LINGO2: variants seen among roughly 807,000 people sequenced by gnomAD.
LINGO2 encodes the protein leucine rich repeat and Ig domain containing 2.
A neutral mutation model predicts 30.6 loss-of-function variants in LINGO2; 14 were observed. The observed-to-expected ratio is 0.46, with a 90% confidence interval of 0.30 to 0.72. The LOEUF (loss-of-function observed/expected upper bound fraction) is 0.72. Among genes scored for constraint, LINGO2 ranks in the 30% least tolerant of loss-of-function variants. LINGO2 has a pLI of 0.07. For synonymous variants in LINGO2, 317 were observed against 288.5 expected (o/e 1.10, Z -1.00); for missense variants, 729 against 751.7 (o/e 0.97, Z 0.35).
the LINGO2 span, among the ~76,000 whole-genome samples, chr9:28,801,888 T>C: frequency 6.6e-6 from 1 of 152,024 alleles, no homozygotes; most frequent in African/African-American, 2.4e-5. Context: ...CAATGAAATA[T>C]TATATTTTTA....
At chr9:28,733,782 C>A in the LINGO2 span, among the ~76,000 whole-genome samples, 1 of 152,020 alleles carries the variant, frequency 6.6e-6, no homozygotes, top group East Asian at 1.9e-4. Flanking sequence ...ATGAGGTGAA[C>A]ACACCTGTAT....
intron 1 of LINGO2, among the ~76,000 whole-genome samples, chr9:28,524,463 G>C (rs1168389765): frequency 6.6e-6 from 1 of 152,106 alleles, no homozygotes; most frequent in African/African-American, 2.4e-5. Flanking sequence ...AAAGTCAAAA[G>C]TCAAGGAAGG....
At chr9:28,326,109 C>T (rs940181074) in intron 3 of LINGO2, among the ~76,000 whole-genome samples, 4 of 152,134 alleles carry the variant, frequency 2.6e-5, no homozygotes, top group South Asian at 2.1e-4. Context: ...TGGGTTCAAG[C>T]GAGCCTCCTG....
chr9:29,012,271 T>C, the LINGO2 span, among the ~76,000 whole-genome samples: 1 of 151,870 alleles, frequency 6.6e-6, no homozygotes, highest in Non-Finnish European at 1.5e-5. Context: ...GACAGGAACA[T>C]AGCTTGAACC....
the LINGO2 span, among the ~76,000 whole-genome samples, chr9:28,943,744 G>A: frequency 4.6e-5 from 7 of 152,200 alleles, no homozygotes; most frequent in African/African-American, 1.7e-4. Flanking sequence ...AACAGGGCTG[G>A]TGATGGATCA....
intron 5 of LINGO2, among the ~76,000 whole-genome samples, chr9:27,978,874 G>T (rs116196714): frequency 0.013 from 2,047 of 152,072 alleles, 47 homozygotes; most frequent in African/African-American, 0.047. Flanking sequence ...GATTCTTTTG[G>T]ACCATCGGAT....
intron 4 of LINGO2, among the ~76,000 whole-genome samples, chr9:28,246,316 TG>T (rs1304621405): frequency 6.6e-6 from 1 of 151,896 alleles, no homozygotes; most frequent in African/African-American, 2.4e-5. Context: ...CACAGCTACC[TG>T]GGAGGCTGAG....
chr9:28,029,361 T>C (rs1823547024), intron 4 of LINGO2, among the ~76,000 whole-genome samples: 1 of 152,118 alleles, frequency 6.6e-6, no homozygotes, highest in South Asian at 2.1e-4. Context: ...GTGGCCAATA[T>C]ATTGACAAAC....
At chr9:28,926,661 C>T in the LINGO2 span, among the ~76,000 whole-genome samples, 4 of 152,030 alleles carry the variant, frequency 2.6e-5, no homozygotes, top group Admixed American at 1.3e-4. Context: ...ATATGGTTAA[C>T]GTCTATTTTT....
At chr9:28,419,605 T>TA (rs60462885) in intron 2 of LINGO2, among the ~76,000 whole-genome samples, 10 of 149,306 alleles carry the variant, frequency 6.7e-5, no homozygotes, top group African/African-American at 1.2e-4. Context: ...GGAGATAGAT[T>TA]AAAAAAAAAA....
chr9:28,098,615 AT>A (rs1826319241), intron 4 of LINGO2, among the ~76,000 whole-genome samples: 1 of 152,016 alleles, frequency 6.6e-6, no homozygotes, highest in Admixed American at 6.6e-5. Flanking sequence ...TTATTCTGAT[AT>A]TTTTATGTGT....
the LINGO2 span, among the ~76,000 whole-genome samples, chr9:28,999,270 A>G: frequency 3.9e-5 from 6 of 152,096 alleles, no homozygotes; most frequent in African/African-American, 1.4e-4. Context: ...AGCCAAACAT[A>G]TGACTGATTC....
At chr9:28,788,754 C>T in the LINGO2 span, among the ~76,000 whole-genome samples, 8 of 152,102 alleles carry the variant, frequency 5.3e-5, no homozygotes, top group South Asian at 2.1e-4. Context: ...CTCACTACCA[C>T]GAGAACAGCA....
chr9:28,489,600 G>A (rs60056754), intron 1 of LINGO2, among the ~76,000 whole-genome samples: 14 of 152,096 alleles, frequency 9.2e-5, no homozygotes, highest in African/African-American at 3.4e-4. Context: ...CTAAAGCTGA[G>A]GTTTAGGAAG....
At chr9:28,882,900 T>G in the LINGO2 span, among the ~76,000 whole-genome samples, 1 of 152,202 alleles carries the variant, frequency 6.6e-6, no homozygotes, top group Non-Finnish European at 1.5e-5. Flanking sequence ...CCTGAGCTAT[T>G]GTAATAGTCT....
chr9:28,702,451 G>A, the LINGO2 span, among the ~76,000 whole-genome samples: 2 of 151,532 alleles, frequency 1.3e-5, no homozygotes, highest in Admixed American at 1.3e-4. Flanking sequence ...TCTATTACCT[G>A]GAATAAATCC....
the LINGO2 span, among the ~76,000 whole-genome samples, chr9:29,189,881 G>C: frequency 1.3e-5 from 2 of 151,530 alleles, no homozygotes; most frequent in East Asian, 3.9e-4. Context: ...GCGTGGCAGC[G>C]CGCGCCTGCA....
the LINGO2 span, among the ~76,000 whole-genome samples, chr9:28,848,310 G>A: frequency 6.6e-4 from 70 of 105,972 alleles, 2 homozygotes; most frequent in Non-Finnish European, 1.1e-3. Flanking sequence ...CTATATATAC[G>A]CATATATAGT....
chr9:28,314,938 T>G (rs1156569175), intron 3 of LINGO2, among the ~76,000 whole-genome samples: 2 of 146,046 alleles, frequency 1.4e-5, no homozygotes, highest in African/African-American at 5.1e-5. Context: ...TGAGCCGAGA[T>G]GGCGGAGTTC....
Sources: gnomAD v4.1 joint callset for allele counts (sites outside exome capture counted in the v4.1 genomes callset) on GRCh38, gnomAD v4.1.1 for gene constraint, MANE v1.5 for transcripts, NCBI Gene and HGNC (gene_info 2026-07-23, HGNC 2026-07-21) for gene names.